MED25: variants seen among roughly 807,000 people sequenced by gnomAD.
MED25 encodes the protein mediator complex subunit 25, also known as mediator of RNA polymerase II transcription subunit 25.
A neutral mutation model predicts 89.4 loss-of-function variants in MED25; 62 were observed. That is an observed-to-expected ratio of 0.69 (90% CI 0.57 to 0.86). The LOEUF (loss-of-function observed/expected upper bound fraction) is 0.86. MED25 is among the 40% of genes least tolerant of loss of function. The pLI, the probability that MED25 is intolerant of heterozygous loss-of-function variation, is 0.00. For missense variants in MED25, 905 were observed against 1,005.2 expected (o/e 0.90, Z 1.35); for synonymous variants, 449 against 427.9 (o/e 1.05, Z -0.61).
At position 49,834,003 on chromosome 19, in the gene MED25, C is replaced by T. The variant is rs1023500229; in HGVS notation, c.1483-983C>T. 3.9e-5 allele frequency: 6 copies of T among 152,440 alleles called. No homozygotes were observed. The highest frequency in any genetic ancestry group is 1.4e-4 in the African/African-American group (6 of 41,590). 9.4% of individuals were successfully genotyped at this position (152,440 alleles called of 1,614,324 possible). A position where few individuals can be genotyped will look rare whatever the true frequency, so the allele number is the denominator to read the frequency against. ...GACAGGGCCCTGTGGTTCTCTTGGC[C>T]TCTCCTTTATAGTCACAAGGTAGCT... On this transcript the variant is annotated intron_variant, in intron 13 of 17. Coordinates refer to ENST00000312865, the MANE Select transcript of MED25 (RefSeq NM_030973.4). The surrounding 1 kb of genome is among the most constrained non-coding windows in gnomAD (Gnocchi z 4.1).
rs1235443244 is a variant in MED25, at chr19:49,832,094, C to T, written c.1317-6C>T. The T allele has an allele frequency of 1.6e-5, 26 of 1,613,620 alleles. No homozygotes were observed. In the East Asian group the frequency reaches 5.8e-4, roughly 36 times the overall value. The stretch of plus-strand genomic sequence containing the variant: ...CTCCTCACACCTCTCCTGGCATCGC[C>T]CCCAGGAAGACGGAGCAGTGGCCCC... On this transcript the variant is annotated splice_polypyrimidine_tract_variant and splice_region_variant and intron_variant, in intron 11 of 17. Transcript: ENST00000312865.
rs1411332102 is a variant in MED25 at position 49,829,884 on chromosome 19, G to T, written c.624G>T (p.Gln208His). The T allele has an allele frequency of 6.2e-7, 1 of 1,613,246 alleles. No homozygotes were observed. Among genetic ancestry groups the T allele is most frequent in the South Asian group, 1.1e-5 (1 of 91,072 alleles). ...AAPPALLEPLQPPTDVSQDPR... is the reference protein window; with the variant it reads ...AAPPALLEPLHPPTDVSQDPR... The stretch of plus-strand genomic sequence containing the variant: ...CCCCGGCCTTGCTGGAGCCGCTGCA[G>T]CCTCCGACAGATGTGAGCCAGGACC... The change falls in exon 6 of 18, where the codon CAG (glutamine) becomes CAT (histidine). Residue 208 changes from glutamine (Q) to histidine (H), a missense_variant. Physicochemically the swap from Gln to His is conservative, Grantham distance 24. Coordinates refer to ENST00000312865, the MANE Select transcript of MED25 (RefSeq NM_030973.4). This position sits in a 1 kb window ranked among gnomAD's most constrained non-coding sequence, Gnocchi z 4.6.
Position 49,836,399 on chromosome 19 carries a change from A to G in MED25, c.2139A>G (p.Pro713=), listed in dbSNP as rs1438583340. 31 of 1,592,890 alleles carry G rather than the reference A, an allele frequency of 1.9e-5. No individual in the cohort carries two copies. The highest frequency in any genetic ancestry group is 2.7e-5 in the Non-Finnish European group (31 of 1,169,660). Residue 713 remains proline (P), a synonymous_variant, in exon 17 of 18, where the codon CCA becomes CCG. Transcript: ENST00000312865. This position sits in a 1 kb window ranked among gnomAD's most constrained non-coding sequence, Gnocchi z 5.1. ...SWPAQLPPRA[P]LPGQMLLSGG... ...CCGCACAACTTCCCCCTCGGGCTCC[A>G]CTGCCAGGTAAGGGGACCCGGGGGA...
intron 3 of MED25, among the ~76,000 whole-genome samples, chr19:49,820,452 T>G (rs532899466): frequency 4.6e-5 from 7 of 152,346 alleles, no homozygotes; most frequent in Admixed American, 4.6e-4. Flanking sequence ...TCCCATAACC[T>G]TCACTGTGGT....
chr19:49,822,223 A>G (rs1458215022), intron 3 of MED25, among the ~76,000 whole-genome samples: 1 of 146,480 alleles, frequency 6.8e-6, no homozygotes, highest in East Asian at 2.0e-4. Context: ...AGATTGCACC[A>G]CTGCACTCCA....
Position 49,836,147 on chromosome 19 carries a change from C to G in MED25, c.1966-79C>G. 1 of 1,547,750 alleles carries G rather than the reference C, an allele frequency of 6.5e-7. No individual in the cohort carries two copies. The highest frequency in any genetic ancestry group is 1.1e-5 in the South Asian group (1 of 87,778). On this transcript the variant is annotated intron_variant, in intron 16 of 17. Transcript: ENST00000312865. This position sits in a 1 kb window ranked among gnomAD's most constrained non-coding sequence, Gnocchi z 5.1. ...AACTTCCCCTCACCACTAGCTGATT[C>G]CATCTCTGAGCAGTGTCTGTGTTGA...
chr19:49,826,741 A>G (rs1472331818), intron 3 of MED25, among the ~76,000 whole-genome samples: 1 of 152,160 alleles, frequency 6.6e-6, no homozygotes, highest in Non-Finnish European at 1.5e-5. Context: ...ATAGGAGGGC[A>G]CACCAGGATG....
chr19:49,819,482 C>T (rs1360010519), intron 3 of MED25, 186 bp downstream of exon 3: 16 of 640,422 alleles, frequency 2.5e-5, no homozygotes, highest in African/African-American at 7.3e-5. Context: ...TGCGAGGGGC[C>T]GTGAATGAGC....
At chr19:49,832,653 A>G (rs2074067179) in intron 13 of MED25, among the ~76,000 whole-genome samples, 1 of 152,174 alleles carries the variant, frequency 6.6e-6, no homozygotes, top group Non-Finnish European at 1.5e-5. Context: ...TGACAGGATC[A>G]GTTAGGAGGA....
Position 49,830,207 on chromosome 19 carries a change from C to G in MED25, c.808C>G (p.Pro270Ala). Residue 270 changes from proline to alanine, a missense_variant, in exon 7 of 18, where the codon CCG becomes GCG. Physicochemically the swap from Pro to Ala is conservative, Grantham distance 27 (BLOSUM62 -1). Transcript: ENST00000312865. This position sits in a 1 kb window ranked among gnomAD's most constrained non-coding sequence, Gnocchi z 4.6. Reference sequence around the variant, plus strand: ...CCAGCAGCCTCTGCCCCCCGTCCCCCCGCAGTACCAGGTATGGATATTTCC... The same window carrying G: ...CCAGCAGCCTCTGCCCCCCGTCCCCGCGCAGTACCAGGTATGGATATTTCC... ...APQQPLPPVP[P>A]QYQVPGNLSA... 1 of 1,607,948 alleles carries G rather than the reference C, an allele frequency of 6.2e-7. No homozygotes were observed. The highest frequency in any genetic ancestry group is 8.5e-7 in the Non-Finnish European group (1 of 1,176,736).
In MED25 at chr19:49,829,593, G is replaced by A. The variant is rs1321798989; in HGVS notation, c.526-193G>A. Among the ~76,000 whole-genome samples the A allele has an allele frequency of 6.6e-6, 1 of 152,070 alleles. No homozygotes were observed. The highest frequency in any genetic ancestry group is 1.5e-5 in the Non-Finnish European group (1 of 67,990). On this transcript the variant is annotated intron_variant, in intron 5 of 17. Transcript: ENST00000312865. The surrounding 1 kb of genome is among the most constrained non-coding windows in gnomAD (Gnocchi z 4.6). ...CACACCTGGCCCACTTAGTCTTACT[G>A]ACAAAACTAGAACCCAGAGTCTCCC... is the stretch of plus-strand genomic sequence containing the variant.
At chr19:49,824,821 C>T (rs1390613583) in intron 3 of MED25, among the ~76,000 whole-genome samples, 3 of 152,026 alleles carry the variant, frequency 2.0e-5, no homozygotes, top group Non-Finnish European at 2.9e-5. Flanking sequence ...TGGTCATGGC[C>T]GGATGCTGTT....
In MED25 at chr19:49,836,529, C is replaced by T; in HGVS notation, c.2146+123C>T. On this transcript the variant is annotated intron_variant, in intron 17 of 17. Transcript: ENST00000312865. This position sits in a 1 kb window ranked among gnomAD's most constrained non-coding sequence, Gnocchi z 5.1. Reference sequence around the variant, plus strand: ...TAGGATCCAAGAATGAGGGTTCCCCCATGGCCTTTGCGGAGCTCTGAGGGC... The same window carrying T: ...TAGGATCCAAGAATGAGGGTTCCCCTATGGCCTTTGCGGAGCTCTGAGGGC... 1 of 1,270,718 alleles carries T rather than the reference C, an allele frequency of 7.9e-7. No homozygotes were observed. Among genetic ancestry groups the T allele is most frequent in the Non-Finnish European group, 1.1e-6 (1 of 891,896 alleles). 78.7% of individuals were successfully genotyped at this position (1,270,718 alleles called of 1,614,324 possible).
intron 13 of MED25, chr19:49,832,920 C>G: frequency 4.6e-6 from 1 of 219,198 alleles, no homozygotes; most frequent in Non-Finnish European, 9.3e-6. Context: ...CATCCCGCAG[C>G]TGTCTTCCCT....
chr19:49,828,457 G>T lies in MED25; in HGVS notation c.314G>T (p.Gly105Val), dbSNP rs1281336559. Reference protein sequence around the residue: ...VTWLDGIKFMGGGGESCSLIA... With the variant: ...VTWLDGIKFMVGGGESCSLIA... ...CCGCTCTGCCCCTGCAGGTTCATGG[G>T]CGGGGGTGGTGAGAGCTGCAGCCTC... The change falls in exon 4 of 18, where the codon GGC becomes GTC. Residue 105 changes from glycine to valine, a missense_variant. Physicochemically the swap from Gly to Val is moderately radical, Grantham distance 109. Around this residue, in one of 3 missense-constraint regions of MED25, gnomAD observed 501 missense variants for 526.9 expected, o/e 0.95. Transcript: ENST00000312865. 6.2e-7 allele frequency: 1 copy of T among 1,613,690 alleles called. No homozygotes were observed. The highest frequency in any genetic ancestry group is 8.5e-7 in the Non-Finnish European group (1 of 1,179,668).
Position 49,829,699 on chromosome 19 carries a change from CCA to C in MED25, c.526-82_526-81del. ...TGGTTGTAGGGCTGGTGCCGTCCAGCCACACAGCAGTTGTGGTAGGTTGGGGG... is the reference window on the plus strand; with the variant it reads ...TGGTTGTAGGGCTGGTGCCGTCCAGCCACAGCAGTTGTGGTAGGTTGGGGG... On this transcript the variant is annotated intron_variant, in intron 5 of 17. Coordinates refer to ENST00000312865, the MANE Select transcript of MED25 (RefSeq NM_030973.4). This position sits in a 1 kb window ranked among gnomAD's most constrained non-coding sequence, Gnocchi z 4.6. 1 of 1,412,558 alleles carries C rather than the reference CCA, an allele frequency of 7.1e-7. No individual in the cohort carries two copies. Among genetic ancestry groups the C allele is most frequent in the South Asian group, 1.3e-5 (1 of 79,608 alleles). 87.5% of individuals were successfully genotyped at this position (1,412,558 alleles called of 1,614,324 possible). A position where few individuals can be genotyped will look rare whatever the true frequency, so the allele number is the denominator to read the frequency against.
chr19:49,822,640 C>CTTTTTTT (rs536060694), intron 3 of MED25, among the ~76,000 whole-genome samples: 6 of 68,242 alleles, frequency 8.8e-5, no homozygotes, highest in Non-Finnish European at 1.2e-4. Context: ...CTGTTACATT[C>CTTTTTTT]TTTTTTTTTT....
At chr19:49,837,889 G>A (rs983145420), downstream of MED25, among the ~76,000 whole-genome samples, 2 of 152,192 alleles carry the variant, frequency 1.3e-5, no homozygotes, top group African/African-American at 2.4e-5. Context: ...GGCTGTGGAT[G>A]GGGAAGACGG....
At position 49,830,839 on chromosome 19, in the gene MED25, C is replaced by G. The variant is rs760698791; in HGVS notation, c.1053C>G (p.Ala351=). 3 of 1,612,956 alleles carry G rather than the reference C, an allele frequency of 1.9e-6. No homozygotes were observed. Among genetic ancestry groups the G allele is most frequent in the Non-Finnish European group, 8.5e-7 (1 of 1,179,896 alleles). The change falls in exon 9 of 18, where the codon GCC becomes GCG. Residue 351 remains alanine, a synonymous_variant. Transcript: ENST00000312865. This position sits in a 1 kb window ranked among gnomAD's most constrained non-coding sequence, Gnocchi z 4.6. ...ASQPSLVSTV[A]PGSGLAPTAQ... ...AGCCCAGTCTGGTCTCCACTGTGGC[C>G]CCTGGCTCCGGCCTGGCTCCCACGG...
Sources: gnomAD v4.1 joint callset for allele counts (sites outside exome capture counted in the v4.1 genomes callset) on GRCh38, gnomAD v4.1.1 for gene constraint, gnomAD v4.1.1 regional missense constraint, Gnocchi (gnomAD v3.1) non-coding constraint, MANE v1.5 for transcripts, NCBI Gene and HGNC (gene_info 2026-07-23, HGNC 2026-07-21) for gene names.